EPHA6: variants seen among roughly 807,000 people sequenced by gnomAD.
EPHA6 encodes the protein EPH receptor A6.
Under a neutral mutation model 112.0 loss-of-function variants are expected in EPHA6, and 50 were observed. That is an observed-to-expected ratio of 0.45 (90% CI 0.36 to 0.56). The LOEUF is 0.56. EPHA6 is among the 20% of genes least tolerant of loss of function. The pLI is 0.00. For synonymous variants in EPHA6, 529 were observed against 490.7 expected (o/e 1.08, Z -1.03); for missense variants, 1,280 against 1,417.4 (o/e 0.90, Z 1.56).
chr3:97,626,436 A>G (rs557934292), intron 13 of EPHA6, among the ~76,000 whole-genome samples: 150 of 151,976 alleles, frequency 9.9e-4, no homozygotes, highest in Non-Finnish European at 1.7e-3. Context: ...AAGATAATAG[A>G]AACTATGGTT....
intron 3 of EPHA6, among the ~76,000 whole-genome samples, chr3:97,167,583 C>A (rs1476843706): frequency 6.6e-6 from 1 of 151,752 alleles, no homozygotes; most frequent in Non-Finnish European, 1.5e-5. Flanking sequence ...AGTTCAAAAC[C>A]CTGAGTATTA....
At chr3:97,386,742 G>A (rs1056575209) in intron 5 of EPHA6, among the ~76,000 whole-genome samples, 2 of 152,196 alleles carry the variant, frequency 1.3e-5, no homozygotes, top group Non-Finnish European at 2.9e-5. Context: ...CTGTGTTGGG[G>A]CTCCATCCCA....
At chr3:97,435,297 G>T (rs2089763792) in intron 6 of EPHA6, among the ~76,000 whole-genome samples, 2 of 152,032 alleles carry the variant, frequency 1.3e-5, no homozygotes, top group Non-Finnish European at 2.9e-5. Flanking sequence ...TCAGTACTGG[G>T]TCAAAACAAA....
intron 3 of EPHA6, among the ~76,000 whole-genome samples, chr3:97,060,590 A>G (rs1360520208): frequency 1.3e-5 from 2 of 152,110 alleles, no homozygotes; most frequent in Non-Finnish European, 2.9e-5. Context: ...CACATTTAGA[A>G]TGATTCATTA....
At chr3:97,401,577 T>G (rs1268123940) in intron 5 of EPHA6, among the ~76,000 whole-genome samples, 1 of 151,766 alleles carries the variant, frequency 6.6e-6, no homozygotes, top group Non-Finnish European at 1.5e-5. Context: ...CTCTTTTTCT[T>G]AGTCTAGTTA....
intron 6 of EPHA6, among the ~76,000 whole-genome samples, chr3:97,416,568 T>C (rs1257328201): frequency 2.6e-5 from 4 of 152,020 alleles, no homozygotes; most frequent in African/African-American, 9.7e-5. Context: ...TTCTGTGGCT[T>C]GAATATAGTA....
intron 1 of EPHA6, among the ~76,000 whole-genome samples, chr3:96,815,888 C>G (rs2032739894): frequency 6.6e-6 from 1 of 152,128 alleles, no homozygotes. Flanking sequence ...AAGCATGAAA[C>G]AACCATAAAA....
intron 3 of EPHA6, among the ~76,000 whole-genome samples, chr3:96,996,977 G>A (rs1414405869): frequency 6.6e-6 from 1 of 152,030 alleles, no homozygotes; most frequent in Non-Finnish European, 1.5e-5. Flanking sequence ...TTTTAGCTAG[G>A]TCTTCTGGAT....
At chr3:97,417,804 G>C (rs2088255280) in intron 6 of EPHA6, among the ~76,000 whole-genome samples, 1 of 152,156 alleles carries the variant, frequency 6.6e-6, no homozygotes, top group Admixed American at 6.5e-5. Flanking sequence ...AACTGAAGTA[G>C]TACCATTCTA....
At chr3:97,689,324 T>G (rs2032486271) in intron 14 of EPHA6, among the ~76,000 whole-genome samples, 1 of 152,208 alleles carries the variant, frequency 6.6e-6, no homozygotes, top group African/African-American at 2.4e-5. Flanking sequence ...AATTTGTCCT[T>G]CCAGTGTAAT....
At chr3:97,063,251 G>A (rs1026099313) in intron 3 of EPHA6, among the ~76,000 whole-genome samples, 12 of 152,202 alleles carry the variant, frequency 7.9e-5, no homozygotes, top group Non-Finnish European at 1.2e-4. Context: ...GCATGCATGT[G>A]TATGTTCATT....
At chr3:97,604,136 A>T (rs1049575974) in intron 12 of EPHA6, among the ~76,000 whole-genome samples, 1 of 151,858 alleles carries the variant, frequency 6.6e-6, no homozygotes, top group Non-Finnish European at 1.5e-5. Context: ...AAAATCAATA[A>T]TAAGATACAA....
At chr3:97,443,355 A>G (rs892640317) in intron 6 of EPHA6, among the ~76,000 whole-genome samples, 4 of 143,656 alleles carry the variant, frequency 2.8e-5, no homozygotes, top group African/African-American at 1.1e-4. Flanking sequence ...TAATTAAGAC[A>G]TCGCAAAAAA....
intron 7 of EPHA6, chr3:97,466,481 A>G: frequency 1.4e-6 from 2 of 1,379,876 alleles, no homozygotes; most frequent in Non-Finnish European, 2.1e-6. Context: ...TTATTGCCTC[A>G]GGTAACTGAA....
intron 11 of EPHA6, among the ~76,000 whole-genome samples, chr3:97,534,748 T>C (rs2107655477): frequency 6.6e-6 from 1 of 152,160 alleles, no homozygotes; most frequent in African/African-American, 2.4e-5. Flanking sequence ...ATTTTCTGAC[T>C]TCCTTGTTAT....
At chr3:97,116,281 A>G (rs2108293315) in intron 3 of EPHA6, among the ~76,000 whole-genome samples, 1 of 151,804 alleles carries the variant, frequency 6.6e-6, no homozygotes, top group Non-Finnish European at 1.5e-5. Context: ...ATGTTTTGAT[A>G]TTAGTATACA....
chr3:96,840,273 T>C (rs1370977086), intron 1 of EPHA6, among the ~76,000 whole-genome samples: 1 of 152,130 alleles, frequency 6.6e-6, no homozygotes, highest in Admixed American at 6.6e-5. Context: ...TTCTGCCTTT[T>C]GTTGGCAAAA....
chr3:97,227,311 C>G (rs1434004010), intron 4 of EPHA6, among the ~76,000 whole-genome samples: 1 of 151,648 alleles, frequency 6.6e-6, no homozygotes, highest in Non-Finnish European at 1.5e-5. Flanking sequence ...GCCTCCACCT[C>G]CCGGATTCAA....
At chr3:97,677,129 T>C (rs1174738510) in intron 14 of EPHA6, among the ~76,000 whole-genome samples, 1 of 152,222 alleles carries the variant, frequency 6.6e-6, no homozygotes, top group Non-Finnish European at 1.5e-5. Flanking sequence ...CTTCAGTGTG[T>C]AACTCTGGTT....
Sources: gnomAD v4.1 joint callset for allele counts (sites outside exome capture counted in the v4.1 genomes callset) on GRCh38, gnomAD v4.1.1 for gene constraint, MANE v1.5 for transcripts, NCBI Gene and HGNC (gene_info 2026-07-23, HGNC 2026-07-21) for gene names.